The following BIRC6 variants were observed in gnomAD, a reference collection of about 807,000 sequenced individuals.
BIRC6 encodes the protein baculoviral IAP repeat containing 6.
In BIRC6, 98 loss-of-function variants were observed where a neutral mutation model predicts 503.3. The observed-to-expected ratio is 0.19, with a 90% CI of 0.17 to 0.23. BIRC6 has a LOEUF of 0.23. Among genes scored for constraint, BIRC6 ranks in the 10% least tolerant of loss-of-function variants. The pLI, the probability that BIRC6 is intolerant of heterozygous loss-of-function variation, is 1.00. For missense variants in BIRC6, 5,360 were observed against 5,806.0 expected, an observed-to-expected ratio of 0.92 and a Z score of 2.50; for synonymous variants, 2,240 against 2,078.7, an observed-to-expected ratio of 1.08 and a Z score of -2.11.
At chr2:32,434,822 T>A (rs1048303865) in intron 13 of BIRC6, among the ~76,000 whole-genome samples, 1 of 152,196 alleles carries the variant, frequency 6.6e-6, no homozygotes, top group African/African-American at 2.4e-5. Flanking sequence ...ACTGCACCAC[T>A]GCACTCCAGC....
At chr2:32,571,040 G>A (rs1326900552) in intron 65 of BIRC6, among the ~76,000 whole-genome samples, 1 of 151,892 alleles carries the variant, frequency 6.6e-6, no homozygotes, top group Non-Finnish European at 1.5e-5. Context: ...CGATCTCTTG[G>A]TCTCAAGTGA....
In BIRC6 at chr2:32,415,536, C is replaced by T. The variant is rs2042296291; in HGVS notation, c.2245C>T (p.Leu749=). Residue 749 remains leucine, a synonymous_variant, in exon 10 of 74, where the codon CTG becomes TTG. Coordinates refer to ENST00000421745, the MANE Select transcript of BIRC6 (RefSeq NM_016252.4). ...TGACGGAATTCATTTGTTGGTAGGA[C>T]TGCGGACATGCCCTGTTGAATCCTT... The part of the protein sequence containing the change: ...CADGIHLLVG[L]RTCPVESLSA... 6.2e-7 allele frequency: 1 copy of T among 1,614,028 alleles called. No homozygotes were observed. The highest frequency in any genetic ancestry group is 8.5e-7 in the Non-Finnish European group (1 of 1,179,896).
intron 2 of BIRC6, chr2:32,379,682 G>C (rs995448040): frequency 3.3e-5 from 5 of 152,178 alleles, no homozygotes; most frequent in African/African-American, 1.2e-4. Flanking sequence ...CCTTATATTA[G>C]CATATATCTT....
chr2:32,368,273 G>T (rs1378917085), intron 1 of BIRC6, among the ~76,000 whole-genome samples: 1 of 152,098 alleles, frequency 6.6e-6, no homozygotes, highest in Non-Finnish European at 1.5e-5. Flanking sequence ...GGGCATGGTG[G>T]CTCATGCCTG....
chr2:32,382,868 T>TGCGC (rs1553383715), intron 3 of BIRC6, among the ~76,000 whole-genome samples: 1 of 147,900 alleles, frequency 6.8e-6, no homozygotes, highest in Non-Finnish European at 1.5e-5. Context: ...GGATTACAGA[T>TGCGC]GTGCACCACC....
chr2:32,431,134 G>T (rs1211664966), intron 12 of BIRC6, 44 bp downstream of exon 12: 1 of 1,051,674 alleles, frequency 9.5e-7, no homozygotes, highest in South Asian at 1.3e-5. Flanking sequence ...TCCATCTTGT[G>T]TATTTGTCAG....
intron 50 of BIRC6, among the ~76,000 whole-genome samples, chr2:32,507,455 CA>C (rs796151434): frequency 1.3e-4 from 19 of 150,990 alleles, no homozygotes; most frequent in Non-Finnish European, 7.4e-5. Context: ...ACAAAACAAA[CA>C]AAAAAAAATT....
At position 32,478,641 on chromosome 2, in the gene BIRC6, G is replaced by T. The variant is rs911780339; in HGVS notation, c.7075G>T (p.Ala2359Ser). 6.2e-7 allele frequency: 1 copy of T among 1,610,166 alleles called. No homozygotes were observed. Among genetic ancestry groups the T allele is most frequent in the East Asian group, 2.2e-5 (1 of 44,842 alleles). Residue 2359 changes from alanine to serine, a missense_variant, in exon 36 of 74, where the codon GCA becomes TCA. By Grantham distance (99) the Ala-to-Ser change is moderately conservative (BLOSUM62 1). Coordinates refer to ENST00000421745, the MANE Select transcript of BIRC6 (RefSeq NM_016252.4). ...DLLLFVCKVL[A>S]RIANATRPTI... ...TTTATAAAATGTATTACAGGTTCTT[G>T]CACGCATTGCAAATGCCACGAGGCC... is the stretch of plus-strand genomic sequence containing the variant.
intron 22 of BIRC6, among the ~76,000 whole-genome samples, chr2:32,450,447 G>C (rs996510890): frequency 1.3e-5 from 2 of 151,944 alleles, no homozygotes; most frequent in Non-Finnish European, 2.9e-5. Context: ...GGGCGAAAGA[G>C]TGAGACTCCG....
chr2:32,551,177 AATATAAGT>A (rs1483520713), intron 65 of BIRC6, among the ~76,000 whole-genome samples: 6 of 151,600 alleles, frequency 4.0e-5, no homozygotes, highest in African/African-American at 1.2e-4. Context: ...AACACAGCTT[AATATAAGT>A]ATATAAGTAC....
intron 15 of BIRC6, among the ~76,000 whole-genome samples, chr2:32,437,873 C>A (rs563813181): frequency 6.6e-6 from 1 of 152,176 alleles, no homozygotes; most frequent in Non-Finnish European, 1.5e-5. Flanking sequence ...AAAAACTAAT[C>A]TCAAATTGTT....
At chr2:32,600,017 C>A in intron 70 of BIRC6, 117 bp downstream of exon 70, 1 of 897,852 alleles carries the variant, frequency 1.1e-6, no homozygotes, top group Non-Finnish European at 1.7e-6. Flanking sequence ...TTTCTTTGTA[C>A]TTCTCTTCCC....
intron 8 of BIRC6, among the ~76,000 whole-genome samples, chr2:32,405,611 A>T (rs1558637353): frequency 6.6e-6 from 1 of 152,068 alleles, no homozygotes; most frequent in Non-Finnish European, 1.5e-5. Flanking sequence ...TAGAGACAAG[A>T]CTTTGTCTTG....
chr2:32,539,343 A>G (rs1348903757), intron 61 of BIRC6, among the ~76,000 whole-genome samples: 2 of 152,238 alleles, frequency 1.3e-5, no homozygotes. Flanking sequence ...AAACTTCTAG[A>G]TGGACGTAAC....
chr2:32,483,107 A>G (rs1572536814), intron 39 of BIRC6, among the ~76,000 whole-genome samples: 1 of 151,794 alleles, frequency 6.6e-6, no homozygotes, highest in African/African-American at 2.4e-5. Flanking sequence ...TAGTAGAGAC[A>G]GGTTTCACCA....
In BIRC6 at chr2:32,506,746, G is replaced by T. The variant is rs532485699; in HGVS notation, c.9701-1234G>T. 2.0e-5 allele frequency among the ~76,000 whole-genome samples: 3 copies of T among 152,308 alleles called. No individual in the cohort carries two copies. In the South Asian group the frequency reaches 6.2e-4, roughly 32 times the overall value. ...AGAGCAGAAGTTGAAAATATGTTGTGATACAGTGGAAATAACAGTCTTTAG... is the reference window on the plus strand; with the variant it reads ...AGAGCAGAAGTTGAAAATATGTTGTTATACAGTGGAAATAACAGTCTTTAG... On this transcript the variant is annotated intron_variant, in intron 50 of 73. Coordinates refer to ENST00000421745, the MANE Select transcript of BIRC6 (RefSeq NM_016252.4).
At position 32,458,979 on chromosome 2, in the gene BIRC6, C is replaced by T. The variant is rs767999503; in HGVS notation, c.4754-4215C>T. Among the ~76,000 whole-genome samples the T allele has an allele frequency of 9.9e-5, 15 of 152,056 alleles. No homozygotes were observed. The South Asian group carries it at 1.2e-3, about 13-fold the overall frequency. On this transcript the variant is annotated intron_variant, in intron 23 of 73. Transcript: ENST00000421745. ...TGCTGGGATTACAAGCGTGAGCCAC[C>T]GTGCCCAGCCTCTATTGTCTTAGCG... is the stretch of plus-strand genomic sequence containing the variant.
chr2:32,526,840 A>G (rs1380370116), intron 59 of BIRC6: 1 of 152,502 alleles, frequency 6.6e-6, no homozygotes, highest in Non-Finnish European at 1.5e-5. Flanking sequence ...AAGAGAAGAT[A>G]CGACATTACA....
At chr2:32,531,246 C>T (rs1182325978) in intron 60 of BIRC6, 109 bp from the exon 61 acceptor site, 18 of 891,518 alleles carry the variant, frequency 2.0e-5, no homozygotes, top group Admixed American at 2.9e-5. Context: ...ATGTTTTGTG[C>T]TCTTTTTTGA....
Sources: gnomAD v4.1 joint callset for allele counts (sites outside exome capture counted in the v4.1 genomes callset) on GRCh38, gnomAD v4.1.1 for gene constraint, MANE v1.5 for transcripts, NCBI Gene and HGNC (gene_info 2026-07-23, HGNC 2026-07-21) for gene names.